Variants in VAV1 observed in about 807,000 individuals in gnomAD.
The protein encoded by VAV1 is vav guanine nucleotide exchange factor 1.
VAV1 carries 33 observed loss-of-function variants against 128.1 expected under a neutral mutation model. The observed-to-expected ratio is 0.26, with a 90% confidence interval of 0.20 to 0.34. VAV1 has a LOEUF of 0.34. Ranked by LOEUF, VAV1 falls within the 10% of genes least tolerant of loss-of-function variation. The pLI is 1.00. For missense variants in VAV1, 715 were observed against 1,093.7 expected, an observed-to-expected ratio of 0.65 and a Z score of 4.88; for synonymous variants, 394 against 409.8, an observed-to-expected ratio of 0.96 and a Z score of 0.47.
Position 6,844,856 on chromosome 19 carries a change from A to AAAAATC in VAV1, c.2012+1695_2012+1700dup, listed in dbSNP as rs540457311. 6.0e-3 allele frequency among the ~76,000 whole-genome samples: 914 copies of AAAAATC among 152,242 alleles called. 12 individuals are homozygous for AAAAATC. Among genetic ancestry groups the AAAAATC allele is most frequent in the African/African-American group, 0.021 (862 of 41,546 alleles). On this transcript the variant is annotated intron_variant, in intron 22 of 26. Coordinates refer to ENST00000602142, the MANE Select transcript of VAV1 (RefSeq NM_005428.4). ...CATCATGTTTTAATGCAACATTAAA[A>AAAAATC]AAAATCAAAAACAAGCCAAAAAAAT...
intron 1 of VAV1, among the ~76,000 whole-genome samples, chr19:6,819,131 A>G (rs1274202618): frequency 6.6e-6 from 1 of 152,208 alleles, no homozygotes; most frequent in African/African-American, 2.4e-5. Context: ...AAAAAAAGAA[A>G]GAAAAGAAAC....
chr19:6,806,373 C>T (rs1441996079), intron 1 of VAV1, among the ~76,000 whole-genome samples: 1 of 152,120 alleles, frequency 6.6e-6, no homozygotes, highest in Non-Finnish European at 1.5e-5. Flanking sequence ...GCGTGAGCCA[C>T]CATGCACGGC....
intron 1 of VAV1, among the ~76,000 whole-genome samples, chr19:6,813,780 G>T (rs1353070060): frequency 6.6e-6 from 1 of 152,172 alleles, no homozygotes; most frequent in Admixed American, 6.6e-5. Context: ...GGGGCTGGGT[G>T]CGGTGGCTCA....
At chr19:6,823,638 C>T (rs774102567) in intron 6 of VAV1, among the ~76,000 whole-genome samples, 10 of 151,894 alleles carry the variant, frequency 6.6e-5, no homozygotes, top group Non-Finnish European at 1.0e-4. Context: ...CTCTGTCTCT[C>T]TCTTTATCTC....
chr19:6,788,884 A>G (rs1455714004), intron 1 of VAV1, among the ~76,000 whole-genome samples: 1 of 152,204 alleles, frequency 6.6e-6, no homozygotes, highest in Non-Finnish European at 1.5e-5. Context: ...GGAGGCAATC[A>G]GTGTTTATAT....
intron 25 of VAV1, among the ~76,000 whole-genome samples, chr19:6,853,293 T>G (rs1272377631): frequency 6.6e-6 from 1 of 151,132 alleles, no homozygotes; most frequent in Non-Finnish European, 1.5e-5. Context: ...TGAGACAGAG[T>G]CTCACTCTGT....
chr19:6,822,657 G>T lies in VAV1; in HGVS notation c.654+143G>T, dbSNP rs1393662767. The T allele has an allele frequency of 3.2e-6, 2 of 630,582 alleles. No homozygotes were observed. Among genetic ancestry groups the T allele is most frequent in the East Asian group, 5.8e-5 (2 of 34,770 alleles). 39.1% of individuals were successfully genotyped at this position (630,582 alleles called of 1,614,324 possible). The stretch of plus-strand genomic sequence containing the variant: ...CCTTTCTGTGACTGTCTCCGTCTCT[G>T]AGTTTCTCTGACTTACATATGTATA... On this transcript the variant is annotated intron_variant, in intron 6 of 26. Transcript: ENST00000602142. This position sits in a 1 kb window ranked among gnomAD's most constrained non-coding sequence, Gnocchi z 5.9.
At chr19:6,817,050 AT>A (rs938597509) in intron 1 of VAV1, among the ~76,000 whole-genome samples, 64 of 148,744 alleles carry the variant, frequency 4.3e-4, no homozygotes, top group Middle Eastern at 3.4e-3. Context: ...CAAGAAATGC[AT>A]TTTTTTTTTC....
chr19:6,825,180 C>T (rs1177981704), intron 7 of VAV1, 59 bp downstream of exon 7: 24 of 1,586,348 alleles, frequency 1.5e-5, no homozygotes, highest in Admixed American at 5.1e-5. Context: ...CCTGCTGCCC[C>T]TACCTCTCCC....
chr19:6,845,165 G>C (rs1457568942), intron 22 of VAV1, among the ~76,000 whole-genome samples: 1 of 152,152 alleles, frequency 6.6e-6, no homozygotes, highest in Non-Finnish European at 1.5e-5. Context: ...TCGATCACTT[G>C]AGGTCAGGAG....
intron 15 of VAV1, 32 bp downstream of exon 15, chr19:6,832,232 C>T: frequency 2.5e-6 from 4 of 1,601,242 alleles, no homozygotes; most frequent in Non-Finnish European, 3.4e-6. Flanking sequence ...TCTTTCTGTC[C>T]ACAGAGGGGC....
At chr19:6,805,403 C>A (rs541723672) in intron 1 of VAV1, among the ~76,000 whole-genome samples, 1 of 151,820 alleles carries the variant, frequency 6.6e-6, no homozygotes, top group African/African-American at 2.4e-5. Context: ...CTAGCCTGGG[C>A]CACAGAGCAA....
intron 16 of VAV1, 102 bp from the exon 17 acceptor site, chr19:6,833,426 G>A: frequency 2.9e-6 from 4 of 1,395,086 alleles, no homozygotes; most frequent in Non-Finnish European, 2.0e-6. Flanking sequence ...TCACTCTCCT[G>A]ATCTAAAGAG....
chr19:6,843,068 G>A (rs1337473787), intron 21 of VAV1, 67 bp from the exon 22 acceptor site: 1 of 1,511,728 alleles, frequency 6.6e-7, no homozygotes, highest in Non-Finnish European at 9.2e-7. Flanking sequence ...AATGAATGAA[G>A]TGCCCTGCCC....
rs1009862825 is a variant in VAV1 at position 6,811,848 on chromosome 19, A to G, written c.205-8854A>G. ...CACATGGTAAAAATTGATTTCTTGT[A>G]CACAAAACAGTACAATGCATGTGCT... On this transcript the variant is annotated intron_variant, in intron 1 of 26. Transcript: ENST00000602142. Among the ~76,000 whole-genome samples, 6 of 152,334 alleles carry G rather than the reference A, an allele frequency of 3.9e-5. No homozygotes were observed. The East Asian group carries it at 9.6e-4, about 24-fold the overall frequency.
chr19:6,850,176 A>G lies in VAV1; in HGVS notation c.2130-494A>G, dbSNP rs1289435927. ...AGAGCTCAGCAATTTTTTTCTCAAC[A>G]TTTCTAGTGTTTTTTTAAATAGGAA... On this transcript the variant is annotated intron_variant, in intron 23 of 26. Coordinates refer to ENST00000602142, the MANE Select transcript of VAV1 (RefSeq NM_005428.4). Among the ~76,000 whole-genome samples, 6 of 77,940 alleles carry G rather than the reference A, an allele frequency of 7.7e-5. No homozygotes were observed. The East Asian group carries it at 1.4e-3, about 18-fold the overall frequency. 51.1% of individuals were successfully genotyped at this position (77,940 alleles called of 152,430 possible).
At chr19:6,807,989 C>CA (rs980612666) in intron 1 of VAV1, among the ~76,000 whole-genome samples, 8,600 of 51,796 alleles carry the variant, frequency 0.17, 881 homozygotes, top group African/African-American at 0.32. Flanking sequence ...GACTCTGTCT[C>CA]AAAAAAAAAA....
chr19:6,823,700 G>A (rs907162186), intron 6 of VAV1, among the ~76,000 whole-genome samples: 3 of 151,700 alleles, frequency 2.0e-5, no homozygotes, highest in Non-Finnish European at 4.4e-5. Flanking sequence ...TTCTTCCTCA[G>A]TGTGTCATTC....
chr19:6,810,852 T>C (rs930338575), intron 1 of VAV1, among the ~76,000 whole-genome samples: 6 of 152,130 alleles, frequency 3.9e-5, no homozygotes, highest in Non-Finnish European at 8.8e-5. Context: ...CTGGCAATGA[T>C]GTCAATCTTG....
Sources: gnomAD v4.1 joint callset for allele counts (sites outside exome capture counted in the v4.1 genomes callset) on GRCh38, gnomAD v4.1.1 for gene constraint, Gnocchi (gnomAD v3.1) non-coding constraint, MANE v1.5 for transcripts, NCBI Gene and HGNC (gene_info 2026-07-23, HGNC 2026-07-21) for gene names.